DLGAP2: variants seen among roughly 807,000 people sequenced by gnomAD.
DLGAP2 encodes the protein disks large-associated protein 2.
DLGAP2 carries 26 observed loss-of-function variants against 100.3 expected under a neutral mutation model. The observed-to-expected ratio is 0.26, with a 90% confidence interval of 0.19 to 0.36. The LOEUF (loss-of-function observed/expected upper bound fraction) is 0.36. Among genes scored for constraint, DLGAP2 ranks in the 10% least tolerant of loss-of-function variants. The pLI, the probability that DLGAP2 is intolerant of heterozygous loss-of-function variation, is 1.00. For synonymous variants in DLGAP2, 886 were observed against 630.1 expected (o/e 1.41, Z -6.08); for missense variants, 1,858 against 1,453.2 (o/e 1.28, Z -4.53).
At chr8:788,853 T>C (rs1821949857) in intron 1 of DLGAP2, among the ~76,000 whole-genome samples, 1 of 152,158 alleles carries the variant, frequency 6.6e-6, no homozygotes, top group Admixed American at 6.5e-5. Context: ...CCCATGGGCT[T>C]TTGTTATGCT....
intron 3 of DLGAP2, among the ~76,000 whole-genome samples, chr8:1,348,735 C>T (rs1175999065): frequency 1.3e-5 from 2 of 152,224 alleles, no homozygotes; most frequent in Non-Finnish European, 2.9e-5. Context: ...AGTGCCCATG[C>T]TCTGCTGTCT....
intron 2 of DLGAP2, among the ~76,000 whole-genome samples, chr8:1,222,644 G>C (rs1012815495): frequency 1.3e-5 from 2 of 152,080 alleles, no homozygotes; most frequent in Non-Finnish European, 2.9e-5. Context: ...TACACGGTGG[G>C]GGGAGGCTGC....
chr8:1,166,929 G>C (rs990582208), intron 2 of DLGAP2, among the ~76,000 whole-genome samples: 4 of 152,108 alleles, frequency 2.6e-5, no homozygotes, highest in African/African-American at 9.7e-5. Flanking sequence ...AGAGGACCAC[G>C]AGGCCAGGAG....
chr8:890,542 C>T (rs1055115035), intron 1 of DLGAP2, among the ~76,000 whole-genome samples: 25 of 151,992 alleles, frequency 1.6e-4, no homozygotes, highest in African/African-American at 5.8e-4. Context: ...TTCTGGGTCT[C>T]GATGGCGCCT....
chr8:1,457,808 A>G (rs955627135), intron 3 of DLGAP2, among the ~76,000 whole-genome samples: 1 of 151,808 alleles, frequency 6.6e-6, no homozygotes, highest in Non-Finnish European at 1.5e-5. Context: ...AGTGATGGCA[A>G]CAAATAGCTG....
chr8:1,312,077 C>T (rs565657000), intron 3 of DLGAP2, among the ~76,000 whole-genome samples: 3 of 152,324 alleles, frequency 2.0e-5, no homozygotes, highest in African/African-American at 7.2e-5. Context: ...CTGTAGGCTA[C>T]TTCATCCAAC....
chr8:1,420,133 G>A (rs1161268421), intron 3 of DLGAP2, among the ~76,000 whole-genome samples: 2 of 152,162 alleles, frequency 1.3e-5, no homozygotes, highest in Non-Finnish European at 2.9e-5. Context: ...GGAGGGGCTG[G>A]AAGTTCCAAT....
intron 6 of DLGAP2, among the ~76,000 whole-genome samples, chr8:1,622,584 C>G (rs1053161058): frequency 5.9e-5 from 9 of 152,206 alleles, no homozygotes; most frequent in African/African-American, 1.9e-4. Flanking sequence ...TCCTGCAGTT[C>G]TGTCTTGGGG....
chr8:799,427 C>A lies in DLGAP2; in HGVS notation c.18+61602C>A, dbSNP rs189081323. ...GGTGGCCGTACCAGAGAATTAGAGG[C>A]GTTTGATGTGCGCTCTGCTGGGAGT... On this transcript the variant is annotated intron_variant, in intron 1 of 14. Coordinates refer to ENST00000637795, the MANE Select transcript of DLGAP2 (RefSeq NM_001346810.2). 3.4e-3 allele frequency among the ~76,000 whole-genome samples: 518 copies of A among 152,194 alleles called. 3 individuals carry two copies. The highest frequency in any genetic ancestry group is 0.012 in the African/African-American group (488 of 41,524).
chr8:780,806 G>A (rs1821662245), intron 1 of DLGAP2, among the ~76,000 whole-genome samples: 1 of 152,220 alleles, frequency 6.6e-6, no homozygotes, highest in Non-Finnish European at 1.5e-5. Flanking sequence ...CTGGTGCCCT[G>A]TGGCCAGGTT....
At chr8:1,538,593 C>T (rs886812089) in intron 4 of DLGAP2, among the ~76,000 whole-genome samples, 2 of 152,170 alleles carry the variant, frequency 1.3e-5, no homozygotes, top group African/African-American at 4.8e-5. Context: ...TAGGGAGGGG[C>T]TTATGTCTCC....
At chr8:1,617,988 G>GA (rs1408007357) in intron 6 of DLGAP2, among the ~76,000 whole-genome samples, 3 of 152,106 alleles carry the variant, frequency 2.0e-5, no homozygotes, top group African/African-American at 7.2e-5. Flanking sequence ...TAACCCTGGG[G>GA]AAAAAATGTC....
chr8:1,575,633 A>G (rs1467759483), intron 6 of DLGAP2, among the ~76,000 whole-genome samples: 2 of 96,208 alleles, frequency 2.1e-5, no homozygotes, highest in African/African-American at 8.4e-5. Context: ...CCCACCCCAT[A>G]ACAGGCCCTA....
intron 3 of DLGAP2, among the ~76,000 whole-genome samples, chr8:1,416,482 G>C (rs1197565877): frequency 1.3e-5 from 2 of 152,204 alleles, no homozygotes; most frequent in Non-Finnish European, 2.9e-5. Context: ...ATCCGATTTT[G>C]CTGCTCCTGT....
chr8:848,270 C>T (rs911031966), intron 1 of DLGAP2, among the ~76,000 whole-genome samples: 3 of 151,798 alleles, frequency 2.0e-5, no homozygotes, highest in East Asian at 3.9e-4. Context: ...AGTATAGGAT[C>T]GTGTGGTGTG....
At chr8:1,194,528 T>C (rs1213248224) in intron 2 of DLGAP2, among the ~76,000 whole-genome samples, 1 of 152,116 alleles carries the variant, frequency 6.6e-6, no homozygotes, top group East Asian at 1.9e-4. Flanking sequence ...CTCCTTGTGA[T>C]GTGAAGAAAT....
At chr8:1,123,059 T>G (rs918357742) in intron 2 of DLGAP2, among the ~76,000 whole-genome samples, 6 of 152,216 alleles carry the variant, frequency 3.9e-5, no homozygotes, top group African/African-American at 1.4e-4. Context: ...CACTAAATAT[T>G]CAAATGTATT....
chr8:1,169,901 T>G (rs151013642), intron 2 of DLGAP2, among the ~76,000 whole-genome samples: 7,436 of 151,924 alleles, frequency 0.049, 210 homozygotes, highest in African/African-American at 0.077. Context: ...TTGCCCTGGC[T>G]AGAACTTCCA....
intron 6 of DLGAP2, among the ~76,000 whole-genome samples, chr8:1,603,919 T>G (rs1490799477): frequency 6.6e-6 from 1 of 152,076 alleles, no homozygotes; most frequent in Non-Finnish European, 1.5e-5. Flanking sequence ...TCAAGTTGCC[T>G]CCGTATGAGG....
Sources: allele counts gnomAD v4.1 joint callset (sites outside exome capture counted in the v4.1 genomes callset), GRCh38; gene constraint gnomAD v4.1.1; transcripts MANE v1.5; gene names NCBI Gene and HGNC (gene_info 2026-07-23, HGNC 2026-07-21).